Variants in FHOD3 observed in about 807,000 individuals in gnomAD.
FHOD3 encodes formin homology 2 domain containing 3, also known as FH1/FH2 domain-containing protein 3.
In FHOD3, 90 loss-of-function variants were observed where a neutral mutation model predicts 173.0. The ratio of observed to expected loss-of-function variants is 0.52; its 90% CI spans 0.44 to 0.62. FHOD3 has a LOEUF of 0.62. Ranked by LOEUF, FHOD3 falls within the 20% of genes least tolerant of loss-of-function variation. The pLI, the probability that FHOD3 is intolerant of heterozygous loss-of-function variation, is 0.00. For missense variants in FHOD3, 1,945 were observed against 2,034.7 expected (o/e 0.96, Z 0.85); for synonymous variants, 828 against 823.0 (o/e 1.01, Z -0.10).
At chr18:36,387,737 C>T (rs757294675) in intron 3 of FHOD3, among the ~76,000 whole-genome samples, 2 of 152,182 alleles carry the variant, frequency 1.3e-5, no homozygotes, top group African/African-American at 4.8e-5. Flanking sequence ...CATCTCCCTG[C>T]TGCTCCTCCA....
intron 28 of FHOD3, among the ~76,000 whole-genome samples, chr18:36,772,654 A>G (rs2043437983): frequency 6.6e-6 from 1 of 152,250 alleles, no homozygotes; most frequent in Non-Finnish European, 1.5e-5. Flanking sequence ...GTCCCACTGA[A>G]GCCTGAACTT....
rs904007215 is a variant in FHOD3, at chr18:36,372,902, C to T, written c.337+158C>T. On this transcript the variant is annotated intron_variant, in intron 3 of 28. Coordinates refer to ENST00000590592, the MANE Select transcript of FHOD3 (RefSeq NM_001281740.3). ...AATTTCCAGCAATGATTTTTGAAGG[C>T]CTGTTTCATTCCAGCTTCCTCTGCT... is the stretch of plus-strand genomic sequence containing the variant. Among the ~76,000 whole-genome samples the T allele has an allele frequency of 3.4e-4, 52 of 152,298 alleles. 1 individual carries two copies. Among genetic ancestry groups the T allele is most frequent in the Non-Finnish European group, 7.3e-4 (50 of 68,030 alleles).
chr18:36,569,254 G>A (rs1316081258), intron 5 of FHOD3, among the ~76,000 whole-genome samples: 2 of 152,072 alleles, frequency 1.3e-5, no homozygotes, highest in African/African-American at 4.8e-5. Flanking sequence ...AATGCTATAG[G>A]TGGTTTAAAA....
Position 36,349,524 on chromosome 18 carries a change from T to C in FHOD3, c.166-6015T>C, listed in dbSNP as rs569059175. ...TCCCACTTCTAAACTATAACCAAAA[T>C]TAGTTTAAAGAGTAGCCCTAGTATA... On this transcript the variant is annotated intron_variant, in intron 1 of 28. Transcript: ENST00000590592. 3.3e-5 allele frequency among the ~76,000 whole-genome samples: 5 copies of C among 152,268 alleles called. No homozygotes were observed. The East Asian group carries it at 9.6e-4, about 29-fold the overall frequency.
chr18:36,546,563 C>T (rs2057416951), intron 5 of FHOD3, among the ~76,000 whole-genome samples: 3 of 152,084 alleles, frequency 2.0e-5, no homozygotes, highest in East Asian at 1.9e-4. Context: ...CTAGGAAGTT[C>T]CCCTTGTTCC....
chr18:36,430,965 A>C (rs2050514053), intron 3 of FHOD3, among the ~76,000 whole-genome samples: 1 of 152,220 alleles, frequency 6.6e-6, no homozygotes, highest in South Asian at 2.1e-4. Context: ...GGGCATACTC[A>C]ATACAACTTC....
intron 8 of FHOD3, 60 bp downstream of exon 8, chr18:36,602,828 AC>A: frequency 7.7e-7 from 1 of 1,298,372 alleles, no homozygotes; most frequent in Admixed American, 1.7e-5. Context: ...TAAAGCCCTG[AC>A]CCCTGGTATC....
chr18:36,370,929 A>C (rs2047155094), intron 2 of FHOD3, among the ~76,000 whole-genome samples: 1 of 152,168 alleles, frequency 6.6e-6, no homozygotes, highest in Non-Finnish European at 1.5e-5. Context: ...CTTAAATCAA[A>C]ACTTTCTTCT....
chr18:36,643,077 A>G (rs2035448528), intron 10 of FHOD3, among the ~76,000 whole-genome samples: 1 of 151,888 alleles, frequency 6.6e-6, no homozygotes, highest in Admixed American at 6.6e-5. Flanking sequence ...TGTCACGTGA[A>G]GCTGGCAATA....
intron 3 of FHOD3, among the ~76,000 whole-genome samples, chr18:36,414,674 A>G (rs2049532464): frequency 1.3e-5 from 2 of 152,212 alleles, no homozygotes; most frequent in Admixed American, 6.5e-5. Flanking sequence ...GATGATGGCA[A>G]CAGTGGCGGC....
chr18:36,417,648 T>A (rs975725472), intron 3 of FHOD3, among the ~76,000 whole-genome samples: 4 of 152,214 alleles, frequency 2.6e-5, no homozygotes, highest in African/African-American at 9.6e-5. Flanking sequence ...TTTCATGAGA[T>A]CATATACCTT....
intron 2 of FHOD3, among the ~76,000 whole-genome samples, chr18:36,366,646 C>T (rs1412307393): frequency 6.6e-6 from 1 of 152,118 alleles, no homozygotes; most frequent in African/African-American, 2.4e-5. Context: ...AATGTAGTGG[C>T]AACTGCCTCT....
At chr18:36,299,852 T>C (rs1344831559) in intron 1 of FHOD3, among the ~76,000 whole-genome samples, 1 of 152,198 alleles carries the variant, frequency 6.6e-6, no homozygotes, top group Non-Finnish European at 1.5e-5. Context: ...ACCCCTGCAG[T>C]ATATTTAGAT....
intron 18 of FHOD3, among the ~76,000 whole-genome samples, chr18:36,712,638 C>T (rs1052267787): frequency 2.6e-5 from 4 of 152,078 alleles, no homozygotes; most frequent in Non-Finnish European, 4.4e-5. Context: ...CAATAAGACT[C>T]GATCTAACGC....
In FHOD3 at chr18:36,693,186, A is replaced by C. The variant is rs141536967; in HGVS notation, c.2022-23A>C. Reference sequence around the variant, plus strand: ...CAGGCTCCTCTTTCGTTTGACGGAAACCCTTTGGAATTTAACTTTCAGATA... The same window carrying C: ...CAGGCTCCTCTTTCGTTTGACGGAACCCCTTTGGAATTTAACTTTCAGATA... On this transcript the variant is annotated intron_variant, in intron 16 of 28. Coordinates refer to ENST00000590592, the MANE Select transcript of FHOD3 (RefSeq NM_001281740.3). 2,368 of 1,604,338 alleles carry C rather than the reference A, an allele frequency of 1.5e-3. 19 individuals carry two copies. The Middle Eastern group carries it at 0.022, about 15-fold the overall frequency.
At chr18:36,714,272 C>G (rs747305720) in intron 18 of FHOD3, among the ~76,000 whole-genome samples, 15 of 152,150 alleles carry the variant, frequency 9.9e-5, no homozygotes, top group Admixed American at 2.0e-4. Context: ...CGTGGTGGCT[C>G]ACACATGTAT....
rs923426658 is a variant in FHOD3 at position 36,314,036 on chromosome 18, C to T, written c.165+16036C>T. Among the ~76,000 whole-genome samples the T allele has an allele frequency of 3.9e-5, 6 of 152,338 alleles. No homozygotes were observed. The East Asian group carries it at 1.2e-3, about 29-fold the overall frequency. On this transcript the variant is annotated intron_variant, in intron 1 of 28. Coordinates refer to ENST00000590592, the MANE Select transcript of FHOD3 (RefSeq NM_001281740.3). ...TAGCTGGGGCTACAGGCATGAGCCACTGCACCTGGCCTGTCAGAAGAATTT... is the reference window on the plus strand; with the variant it reads ...TAGCTGGGGCTACAGGCATGAGCCATTGCACCTGGCCTGTCAGAAGAATTT...
chr18:36,508,281 T>TTTA (rs1555733010), intron 4 of FHOD3, among the ~76,000 whole-genome samples: 2 of 150,726 alleles, frequency 1.3e-5, no homozygotes, highest in African/African-American at 4.9e-5. Flanking sequence ...TTTTTTTTTT[T>TTTA]AAAAAAAGCT....
chr18:36,331,489 G>C (rs562494111), intron 1 of FHOD3, among the ~76,000 whole-genome samples: 1 of 152,224 alleles, frequency 6.6e-6, no homozygotes, highest in African/African-American at 2.4e-5. Flanking sequence ...CAGCAGTCTG[G>C]AGCCAGTCAG....
Sources: allele counts gnomAD v4.1 joint callset (sites outside exome capture counted in the v4.1 genomes callset), GRCh38; gene constraint gnomAD v4.1.1; transcripts MANE v1.5; gene names NCBI Gene and HGNC (gene_info 2026-07-23, HGNC 2026-07-21).